Variants in TBC1D1 observed in about 807,000 individuals in gnomAD.
The protein encoded by TBC1D1 is TBC1 domain family member 1.
A neutral mutation model predicts 125.6 loss-of-function variants in TBC1D1; 89 were observed. The ratio of observed to expected loss-of-function variants is 0.71; its 90% CI spans 0.60 to 0.85. TBC1D1 has a LOEUF of 0.85. TBC1D1 is among the 40% of genes least tolerant of loss of function. The pLI is 0.00. For missense variants in TBC1D1, 1,377 were observed against 1,469.2 expected (o/e 0.94, Z 1.03); for synonymous variants, 565 against 564.1 (o/e 1.00, Z -0.02).
intron 2 of TBC1D1, among the ~76,000 whole-genome samples, chr4:37,942,615 T>A (rs1725803809): frequency 6.6e-6 from 1 of 152,138 alleles, no homozygotes; most frequent in Non-Finnish European, 1.5e-5. Context: ...CTCGGCTCAC[T>A]GCAAGCTCTG....
rs542708806 is a variant in TBC1D1 at position 37,916,342 on chromosome 4, A to G, written c.417+13830A>G. ...TCTCTCTCTCTGTATGTGTGTGTGT[A>G]TATATGTGTATATATACATATATAT... On this transcript the variant is annotated intron_variant, in intron 2 of 19. Coordinates refer to ENST00000261439, the MANE Select transcript of TBC1D1 (RefSeq NM_015173.4). Among the ~76,000 whole-genome samples, 6 of 150,712 alleles carry G rather than the reference A, an allele frequency of 4.0e-5. No individual in the cohort carries two copies. In the East Asian group the frequency reaches 6.0e-4, roughly 15 times the overall value.
In TBC1D1 at chr4:37,927,848, A is replaced by G. The variant is rs528252406; in HGVS notation, c.417+25336A>G. 9.9e-4 allele frequency among the ~76,000 whole-genome samples: 150 copies of G among 152,276 alleles called. 2 individuals carry two copies. Among genetic ancestry groups the G allele is most frequent in the Non-Finnish European group, 9.4e-4 (64 of 68,010 alleles). ...GGGGTTCGAGGCTGCAGTGTGCTAC[A>G]GTTAGTTGTGCCTGTGAATAGCCAC... On this transcript the variant is annotated intron_variant, in intron 2 of 19. Transcript: ENST00000261439.
chr4:38,137,138 G>A lies in TBC1D1; in HGVS notation c.3310G>A (p.Ala1104Thr), dbSNP rs147610055. The change falls in exon 20 of 20, where the codon GCA becomes ACA. Residue 1104 changes from alanine (A) to threonine (T), a missense_variant. Ala to Thr is a moderately conservative substitution (Grantham distance 58, BLOSUM62 0). Transcript: ENST00000261439. ...CATTTCTTCTTTTATTCTCCAGGTG[G>A]CAAATGGTAGGATCCAAAGCCTTGA... The A allele has an allele frequency of 2.2e-5, 35 of 1,613,212 alleles. No individual in the cohort carries two copies. Among genetic ancestry groups the A allele is most frequent in the Middle Eastern group, 1.8e-4 (1 of 5,628 alleles).
At chr4:37,921,398 AAAATACATATATATAAT>A in intron 2 of TBC1D1, among the ~76,000 whole-genome samples, 1 of 145,098 alleles carries the variant, frequency 6.9e-6, no homozygotes, top group Non-Finnish European at 1.5e-5. Context: ...ATATATATAC[AAAATACATATATATAAT>A]TTTTTTTTTT....
rs185158689 is a variant in TBC1D1, at chr4:38,136,292, G to A, written c.3307-843G>A. Among the ~76,000 whole-genome samples the A allele has an allele frequency of 3.8e-3, 580 of 152,338 alleles. 4 individuals carry two copies. The highest frequency in any genetic ancestry group is 7.7e-3 in the South Asian group (37 of 4,830). On this transcript the variant is annotated intron_variant, in intron 19 of 19. Coordinates refer to ENST00000261439, the MANE Select transcript of TBC1D1 (RefSeq NM_015173.4). Reference sequence around the variant, plus strand: ...GCTAGGTGCTGAGGATGTAGACTGAGTGAGATCCTCATTCCTCCTCTGTAG... The same window carrying A: ...GCTAGGTGCTGAGGATGTAGACTGAATGAGATCCTCATTCCTCCTCTGTAG...
intron 2 of TBC1D1, among the ~76,000 whole-genome samples, chr4:37,944,984 C>T (rs927109562): frequency 3.9e-5 from 6 of 152,124 alleles, no homozygotes; most frequent in Admixed American, 6.5e-5. Context: ...GTCAACAAGT[C>T]GTGATTTGAA....
At chr4:37,941,437 G>A (rs1313418975) in intron 2 of TBC1D1, among the ~76,000 whole-genome samples, 4 of 152,028 alleles carry the variant, frequency 2.6e-5, no homozygotes, top group Non-Finnish European at 5.9e-5. Flanking sequence ...AGTCTTGCTA[G>A]CGGTCTATCA....
chr4:37,918,574 A>C (rs1361069040), intron 2 of TBC1D1, among the ~76,000 whole-genome samples: 1 of 151,772 alleles, frequency 6.6e-6, no homozygotes, highest in East Asian at 1.9e-4. Flanking sequence ...CAGCCTCCTG[A>C]GTAGCTGGGA....
intron 2 of TBC1D1, among the ~76,000 whole-genome samples, chr4:38,006,472 C>CTTTTTT (rs1394302963): frequency 8.9e-6 from 1 of 112,352 alleles, no homozygotes; most frequent in African/African-American, 3.5e-5. Context: ...GGGACCAACA[C>CTTTTTT]TATTTTTTTT....
intron 2 of TBC1D1, among the ~76,000 whole-genome samples, chr4:37,943,670 T>C (rs529139645): frequency 6.6e-6 from 1 of 152,356 alleles, no homozygotes; most frequent in East Asian, 1.9e-4. Context: ...TCTCATGCCA[T>C]AGTTTTCAGC....
intron 7 of TBC1D1, chr4:38,030,426 A>C (rs957240767): frequency 5.3e-5 from 8 of 152,242 alleles, no homozygotes; most frequent in Non-Finnish European, 1.2e-4. Context: ...CCAACTTTGA[A>C]AAGCCGGCTC....
At chr4:38,067,735 C>T (rs1304261881) in intron 12 of TBC1D1, among the ~76,000 whole-genome samples, 2 of 152,200 alleles carry the variant, frequency 1.3e-5, no homozygotes, top group African/African-American at 4.8e-5. Flanking sequence ...ACACCGAAGG[C>T]TCAGCCCCTG....
At chr4:37,999,163 C>T (rs1055701284) in intron 2 of TBC1D1, among the ~76,000 whole-genome samples, 1 of 152,138 alleles carries the variant, frequency 6.6e-6, no homozygotes, top group Admixed American at 6.5e-5. Flanking sequence ...GCAGGAGAAT[C>T]GCTTGAACCC....
chr4:37,944,344 C>T (rs1398792920), intron 2 of TBC1D1, among the ~76,000 whole-genome samples: 1 of 152,180 alleles, frequency 6.6e-6, no homozygotes, highest in Non-Finnish European at 1.5e-5. Flanking sequence ...CTGGGAGAAC[C>T]ACTACTCTCT....
intron 12 of TBC1D1, among the ~76,000 whole-genome samples, chr4:38,066,547 G>A (rs933834090): frequency 4.6e-5 from 7 of 152,046 alleles, no homozygotes; most frequent in African/African-American, 9.7e-5. Context: ...TGCCCAGGCT[G>A]GTCTTGAACT....
chr4:38,131,760 C>T (rs772668970), intron 18 of TBC1D1, among the ~76,000 whole-genome samples: 1 of 152,198 alleles, frequency 6.6e-6, no homozygotes, highest in Non-Finnish European at 1.5e-5. Flanking sequence ...GCTGACCTCA[C>T]GGTCGCTCTG....
intron 12 of TBC1D1, among the ~76,000 whole-genome samples, chr4:38,058,866 T>C (rs1370847112): frequency 6.6e-6 from 1 of 151,692 alleles, no homozygotes; most frequent in Non-Finnish European, 1.5e-5. Flanking sequence ...AAAAAAAATC[T>C]GGAGAGAAGG....
chr4:38,126,399 A>C (rs963266076), intron 18 of TBC1D1, among the ~76,000 whole-genome samples: 1 of 152,256 alleles, frequency 6.6e-6, no homozygotes, highest in African/African-American at 2.4e-5. Context: ...TCTGTAGTCC[A>C]AAAGGAATCC....
chr4:38,064,982 G>A (rs943483203), intron 12 of TBC1D1, among the ~76,000 whole-genome samples: 1 of 151,746 alleles, frequency 6.6e-6, no homozygotes, highest in Non-Finnish European at 1.5e-5. Context: ...CCAGGCTGGA[G>A]TGCAGGGGCA....
Sources: gnomAD v4.1 joint callset for allele counts (sites outside exome capture counted in the v4.1 genomes callset) on GRCh38, gnomAD v4.1.1 for gene constraint, MANE v1.5 for transcripts, NCBI Gene and HGNC (gene_info 2026-07-23, HGNC 2026-07-21) for gene names.